PTPN4: variants seen among roughly 807,000 people sequenced by gnomAD.
PTPN4 encodes protein tyrosine phosphatase non-receptor type 4, also known as tyrosine-protein phosphatase non-receptor type 4.
A neutral mutation model predicts 135.5 loss-of-function variants in PTPN4; 49 were observed. The observed-to-expected ratio is 0.36, with a 90% CI of 0.29 to 0.46. PTPN4 has a LOEUF of 0.46. Among genes scored for constraint, PTPN4 ranks in the 20% least tolerant of loss-of-function variants. PTPN4 has a pLI of 1.00. For missense variants in PTPN4, 860 were observed against 1,101.0 expected, an observed-to-expected ratio of 0.78 and a Z score of 3.10; for synonymous variants, 333 against 369.9, an observed-to-expected ratio of 0.90 and a Z score of 1.14.
At chr2:119,844,341 G>A in intron 2 of PTPN4, among the ~76,000 whole-genome samples, 1 of 50,654 alleles carries the variant, frequency 2.0e-5, no homozygotes, top group Non-Finnish European at 3.8e-5. Context: ...TGGCCGGGCG[G>A]GGGGCTGACC....
At chr2:119,903,489 C>T (rs1267318798) in intron 10 of PTPN4, among the ~76,000 whole-genome samples, 2 of 151,916 alleles carry the variant, frequency 1.3e-5, no homozygotes, top group Non-Finnish European at 2.9e-5. Context: ...AGATGTGCCT[C>T]GCCCTCAGCT....
At chr2:119,772,922 T>G (rs965001469) in intron 1 of PTPN4, among the ~76,000 whole-genome samples, 1 of 152,320 alleles carries the variant, frequency 6.6e-6, no homozygotes, top group East Asian at 1.9e-4. Context: ...AAGGTATCTG[T>G]GCCGTATCAC....
At chr2:119,807,653 G>A (rs1319526605) in intron 1 of PTPN4, among the ~76,000 whole-genome samples, 6 of 152,144 alleles carry the variant, frequency 3.9e-5, no homozygotes, top group South Asian at 4.1e-4. Context: ...GTTACAAAGC[G>A]GAGCTCGTAC....
intron 10 of PTPN4, among the ~76,000 whole-genome samples, chr2:119,904,474 C>A (rs1359756452): frequency 1.3e-5 from 2 of 151,864 alleles, no homozygotes; most frequent in African/African-American, 2.4e-5. Context: ...AAAAAAAAAA[C>A]CTATTTAAGA....
At chr2:119,815,835 G>A (rs1676976908) in intron 2 of PTPN4, among the ~76,000 whole-genome samples, 1 of 152,136 alleles carries the variant, frequency 6.6e-6, no homozygotes. Context: ...ATTACATGTA[G>A]ATTTTATTGT....
At chr2:119,958,325 G>A (rs1192148829) in intron 22 of PTPN4, among the ~76,000 whole-genome samples, 3 of 91,262 alleles carry the variant, frequency 3.3e-5, no homozygotes, top group Admixed American at 1.3e-4. Context: ...AACAAGACCC[G>A]TCTAAAAAAA....
intron 3 of PTPN4, among the ~76,000 whole-genome samples, chr2:119,864,921 C>T (rs1292580100): frequency 2.0e-5 from 3 of 151,996 alleles, no homozygotes; most frequent in Admixed American, 2.0e-4. Flanking sequence ...AAGTTAGAAT[C>T]ATAGAATTTT....
chr2:119,760,339 A>C lies in PTPN4; in HGVS notation c.-63A>C, dbSNP rs1433615630. The C allele has an allele frequency of 2.5e-6, 1 of 394,114 alleles. No homozygotes were observed. Among genetic ancestry groups the C allele is most frequent in the East Asian group, 3.6e-5 (1 of 27,854 alleles). The allele number at this position is 394,114 out of a possible 1,614,324, so 24.4% of individuals were successfully genotyped here. On this transcript the variant is annotated 5_prime_UTR_variant, in exon 1 of 27. Coordinates refer to ENST00000263708, the MANE Select transcript of PTPN4 (RefSeq NM_002830.4). ...TTCTCCTCTGCGCGCCGGGGCCTCG[A>C]GGCTTTTTTTCTCCAGCCGAGAGGA...
chr2:119,962,786 A>G, intron 24 of PTPN4, 42 bp downstream of exon 24: 1 of 1,419,124 alleles, frequency 7.0e-7, no homozygotes, highest in Non-Finnish European at 9.5e-7. Context: ...TGTTGTGTTC[A>G]GGGTAAAGAC....
intron 13 of PTPN4, among the ~76,000 whole-genome samples, chr2:119,926,985 TATTTC>T (rs1257934959): frequency 6.6e-6 from 1 of 152,092 alleles, no homozygotes; most frequent in African/African-American, 2.4e-5. Context: ...TATAGTGACT[TATTTC>T]ATGTTATCAA....
intron 2 of PTPN4, among the ~76,000 whole-genome samples, chr2:119,828,134 A>G (rs540010606): frequency 5.8e-4 from 88 of 152,352 alleles, no homozygotes; most frequent in African/African-American, 1.9e-3. Flanking sequence ...TGTTCTCACC[A>G]TATGGAGAAG....
intron 1 of PTPN4, among the ~76,000 whole-genome samples, chr2:119,802,650 A>G (rs1321612837): frequency 6.6e-6 from 1 of 152,118 alleles, no homozygotes; most frequent in African/African-American, 2.4e-5. Context: ...TTGTGTCTGT[A>G]TTCATGAGGA....
rs953795850 is a variant in PTPN4 at position 119,799,363 on chromosome 2, A to T, written c.-17-10474A>T. Among the ~76,000 whole-genome samples, 4 of 152,264 alleles carry T rather than the reference A, an allele frequency of 2.6e-5. No individual in the cohort carries two copies. The South Asian group carries it at 8.3e-4, about 32-fold the overall frequency. ...TATCCAATCCAAAGTTATCAAACAA[A>T]TTAGTAGAACATTTGAAAAATAAAA... On this transcript the variant is annotated intron_variant, in intron 1 of 26. Coordinates refer to ENST00000263708, the MANE Select transcript of PTPN4 (RefSeq NM_002830.4).
intron 1 of PTPN4, among the ~76,000 whole-genome samples, chr2:119,798,677 T>TA (rs1484233577): frequency 6.6e-6 from 1 of 152,232 alleles, no homozygotes; most frequent in Non-Finnish European, 1.5e-5. Flanking sequence ...CCTTGGTAAC[T>TA]AAAAATATTG....
intron 2 of PTPN4, among the ~76,000 whole-genome samples, chr2:119,846,901 G>C (rs1034239101): frequency 6.7e-6 from 1 of 150,352 alleles, no homozygotes; most frequent in African/African-American, 2.4e-5. Flanking sequence ...TCCCCTTCTT[G>C]TGCTATTATT....
At chr2:119,879,762 A>G (rs1285648870) in intron 5 of PTPN4, among the ~76,000 whole-genome samples, 2 of 152,076 alleles carry the variant, frequency 1.3e-5, no homozygotes, top group African/African-American at 4.8e-5. Flanking sequence ...ACTAGTTTAG[A>G]CCCCAGGAAA....
chr2:119,806,679 G>T (rs1411767278), intron 1 of PTPN4, among the ~76,000 whole-genome samples: 1 of 152,110 alleles, frequency 6.6e-6, no homozygotes, highest in Non-Finnish European at 1.5e-5. Context: ...GAGGCAGAAG[G>T]TTAGAAAGAA....
At chr2:119,848,173 C>CT (rs1677533128) in intron 2 of PTPN4, among the ~76,000 whole-genome samples, 1 of 147,426 alleles carries the variant, frequency 6.8e-6, no homozygotes, top group Non-Finnish European at 1.5e-5. Context: ...TCTCCTTTTT[C>CT]TTTTTCTTTT....
chr2:119,781,545 A>T lies in PTPN4; in HGVS notation c.-18+21161A>T, dbSNP rs1205146621. Among the ~76,000 whole-genome samples the T allele has an allele frequency of 2.0e-5, 3 of 152,166 alleles. No individual in the cohort carries two copies. The East Asian group carries it at 5.8e-4, about 29-fold the overall frequency. On this transcript the variant is annotated intron_variant, in intron 1 of 26. Transcript: ENST00000263708. ...AACTTTATAAAGTTCGGAGTTTTTT[A>T]TATTTCTTTTGATTTATCTTCAGTG... is the stretch of plus-strand genomic sequence containing the variant.
Sources: gnomAD v4.1 joint callset for allele counts (sites outside exome capture counted in the v4.1 genomes callset) on GRCh38, gnomAD v4.1.1 for gene constraint, MANE v1.5 for transcripts, NCBI Gene and HGNC (gene_info 2026-07-23, HGNC 2026-07-21) for gene names.